COL5A2: variants seen among roughly 807,000 people sequenced by gnomAD.
The protein encoded by COL5A2 is collagen alpha-2(V) chain.
Under a neutral mutation model 208.2 loss-of-function variants are expected in COL5A2, and 23 were observed. The ratio of observed to expected loss-of-function variants is 0.11; its 90% CI spans 0.08 to 0.16. The LOEUF (loss-of-function observed/expected upper bound fraction) is 0.16, where lower values mean the gene tolerates loss of function less well. Ranked by LOEUF, COL5A2 falls within the 10% of genes least tolerant of loss-of-function variation. The pLI, the probability that COL5A2 is intolerant of heterozygous loss-of-function variation, is 1.00. For missense variants in COL5A2, 1,590 were observed against 1,956.4 expected, an observed-to-expected ratio of 0.81 and a Z score of 3.53; for synonymous variants, 625 against 628.5, an observed-to-expected ratio of 0.99 and a Z score of 0.08.
the COL5A2 span, among the ~76,000 whole-genome samples, chr2:189,294,948 G>A: frequency 6.6e-6 from 1 of 152,070 alleles, no homozygotes; most frequent in African/African-American, 2.4e-5. Flanking sequence ...CTGGGCTACA[G>A]GTACATACCA....
chr2:189,264,119 TACAA>T, the COL5A2 span, among the ~76,000 whole-genome samples: 1 of 152,102 alleles, frequency 6.6e-6, no homozygotes, highest in African/African-American at 2.4e-5. Context: ...ACATACTAGC[TACAA>T]ACAGCTAGAA....
intron 1 of COL5A2, among the ~76,000 whole-genome samples, chr2:189,201,129 T>C (rs990819735): frequency 3.0e-4 from 46 of 152,070 alleles, no homozygotes; most frequent in South Asian, 8.3e-4. Context: ...AAAGCAACAA[T>C]ATTAGCAATT....
At chr2:189,182,366 G>A (rs564436885), upstream of COL5A2, among the ~76,000 whole-genome samples, 71 of 152,228 alleles carry the variant, frequency 4.7e-4, no homozygotes, top group African/African-American at 1.6e-3. Flanking sequence ...ATATATAGGC[G>A]ATTACGGTTC....
chr2:189,220,717 A>T (rs1427091692), intron 1 of COL5A2, among the ~76,000 whole-genome samples: 1 of 152,224 alleles, frequency 6.6e-6, no homozygotes, highest in Non-Finnish European at 1.5e-5. Flanking sequence ...AATCACCAGC[A>T]GTTACAATAC....
the COL5A2 span, among the ~76,000 whole-genome samples, chr2:189,249,257 T>A: frequency 1.3e-5 from 2 of 152,302 alleles, no homozygotes; most frequent in South Asian, 4.1e-4. Flanking sequence ...TTACATGTCA[T>A]ATTGAAATAA....
At chr2:189,079,173 G>A in intron 14 of COL5A2, 66 bp from the exon 15 acceptor site, 2 of 1,216,748 alleles carry the variant, frequency 1.6e-6, no homozygotes, top group South Asian at 1.3e-5. Context: ...TTTGTTCTGT[G>A]TGTGTAATTT....
chr2:189,359,725 T>A, the COL5A2 span, among the ~76,000 whole-genome samples: 12 of 152,150 alleles, frequency 7.9e-5, no homozygotes, highest in Admixed American at 7.9e-4. Context: ...AGACTTTTTA[T>A]TACTGTTTTA....
At chr2:189,090,323 T>A (rs1338382554) in intron 7 of COL5A2, among the ~76,000 whole-genome samples, 1 of 152,092 alleles carries the variant, frequency 6.6e-6, no homozygotes, top group African/African-American at 2.4e-5. Context: ...AGCAAGGAAG[T>A]GGCAGAAGAA....
the COL5A2 span, among the ~76,000 whole-genome samples, chr2:189,405,432 A>G: frequency 6.6e-6 from 1 of 152,110 alleles, no homozygotes; most frequent in African/African-American, 2.4e-5. Context: ...GGGTTTCACC[A>G]TGTTGGTCAG....
intron 1 of COL5A2, among the ~76,000 whole-genome samples, 157 bp downstream of exon 1, chr2:189,179,351 A>G (rs1383485296): frequency 1.3e-5 from 2 of 152,060 alleles, no homozygotes; most frequent in Non-Finnish European, 2.9e-5. Flanking sequence ...AAACATCCCA[A>G]TTGTCTTTCA....
the COL5A2 span, among the ~76,000 whole-genome samples, chr2:189,324,546 C>T: frequency 6.6e-6 from 1 of 152,194 alleles, no homozygotes; most frequent in Non-Finnish European, 1.5e-5. Context: ...ATTTATGCAG[C>T]CAACAGACAC....
intron 38 of COL5A2, 117 bp from the exon 39 acceptor site, chr2:189,053,135 A>G: frequency 1.1e-6 from 1 of 915,144 alleles, no homozygotes; most frequent in Non-Finnish European, 1.7e-6. Flanking sequence ...CTTTATAATC[A>G]GTATTAAAGC....
chr2:189,416,078 T>C, the COL5A2 span, among the ~76,000 whole-genome samples: 1 of 152,210 alleles, frequency 6.6e-6, no homozygotes. Context: ...CTGGAGAGGA[T>C]GTGGAGAAAC....
chr2:189,411,325 C>T, the COL5A2 span, among the ~76,000 whole-genome samples: 1 of 152,052 alleles, frequency 6.6e-6, no homozygotes, highest in Non-Finnish European at 1.5e-5. Flanking sequence ...TAAGTTACAA[C>T]GAATGTTCCT....
chr2:189,234,694 C>T, the COL5A2 span, among the ~76,000 whole-genome samples: 6 of 151,806 alleles, frequency 4.0e-5, no homozygotes, highest in East Asian at 3.9e-4. Flanking sequence ...ATTTTAGCTC[C>T]GCTAATTACT....
chr2:189,301,788 T>C, the COL5A2 span, among the ~76,000 whole-genome samples: 17 of 152,214 alleles, frequency 1.1e-4, no homozygotes, highest in Admixed American at 1.1e-3. Flanking sequence ...ATTCATATTG[T>C]TGTATCTTTC....
intron 1 of COL5A2, among the ~76,000 whole-genome samples, chr2:189,130,707 G>A (rs961257210): frequency 6.6e-5 from 10 of 151,846 alleles, no homozygotes; most frequent in African/African-American, 2.4e-4. Flanking sequence ...ACACAGATAA[G>A]TTTCCATTCC....
chr2:189,042,691 C>T (rs549585959), intron 49 of COL5A2, 29 bp downstream of exon 49: 23 of 1,597,718 alleles, frequency 1.4e-5, no homozygotes, highest in African/African-American at 1.1e-4. Context: ...ATTATTTACA[C>T]CTGCAACTTA....
the COL5A2 span, among the ~76,000 whole-genome samples, chr2:189,239,549 C>A: frequency 7.2e-6 from 1 of 139,160 alleles, no homozygotes; most frequent in Admixed American, 8.3e-5. Flanking sequence ...TATTCTCACT[C>A]ATAGTTGGGA....
Sources: allele counts gnomAD v4.1 joint callset (sites outside exome capture counted in the v4.1 genomes callset), GRCh38; gene constraint gnomAD v4.1.1; transcripts MANE v1.5; gene names NCBI Gene and HGNC (gene_info 2026-07-23, HGNC 2026-07-21).